PCDH12: variants seen among roughly 807,000 people sequenced by gnomAD.
PCDH12 encodes protocadherin 12, also known as protocadherin-12.
A neutral mutation model predicts 70.9 loss-of-function variants in PCDH12; 45 were observed. The ratio of observed to expected loss-of-function variants is 0.63; its 90% CI spans 0.50 to 0.81. PCDH12 has a LOEUF of 0.81. PCDH12 is among the 40% of genes least tolerant of loss of function. The pLI is 0.00. For missense variants in PCDH12, 1,370 were observed against 1,491.7 expected (o/e 0.92, Z 1.34); for synonymous variants, 567 against 626.0 (o/e 0.91, Z 1.41).
chr5:141,946,275 C>T (rs1277669541), intron 3 of PCDH12, among the ~76,000 whole-genome samples: 1 of 152,116 alleles, frequency 6.6e-6, no homozygotes, highest in Non-Finnish European at 1.5e-5. Context: ...ATAATAGGGA[C>T]CACATATTAG....
At chr5:141,953,581 G>A (rs1343791950) in intron 1 of PCDH12, among the ~76,000 whole-genome samples, 1 of 152,198 alleles carries the variant, frequency 6.6e-6, no homozygotes, top group Non-Finnish European at 1.5e-5. Context: ...CCCTCAAGTT[G>A]ATCCCAAATG....
chr5:141,953,177 A>T (rs1404223296), intron 1 of PCDH12: 1 of 152,252 alleles, frequency 6.6e-6, no homozygotes, highest in African/African-American at 2.4e-5. Flanking sequence ...GACTCGAATC[A>T]GTCAGACTCA....
rs758002470 is a variant in PCDH12 at position 141,957,367 on chromosome 5, G to A, written c.485C>T (p.Pro162Leu). 1 of 1,613,862 alleles carries A rather than the reference G, an allele frequency of 6.2e-7. No homozygotes were observed. Among genetic ancestry groups the A allele is most frequent in the Admixed American group, 1.7e-5 (1 of 59,992 alleles). ...TRIPLDRALD[P>L]DTGPNTLHTY... ...GTGCAGGGTGTTAGGGCCTGTGTCT[G>A]GGTCAAGAGCTCTGTCCAGGGGGAT... The change falls in exon 1 of 4, where the codon CCA (proline) becomes CTA (leucine). Residue 162 changes from proline to leucine, a missense_variant. Pro to Leu is a moderately conservative substitution (Grantham distance 98). Transcript: ENST00000231484. The surrounding 1 kb of genome is among the most constrained non-coding windows in gnomAD (Gnocchi z 4.3).
At chr5:141,951,790 C>G (rs1306634039) in intron 1 of PCDH12, among the ~76,000 whole-genome samples, 200 bp from the exon 2 acceptor site, 1 of 152,112 alleles carries the variant, frequency 6.6e-6, no homozygotes, top group Non-Finnish European at 1.5e-5. Flanking sequence ...GTCATGTCAC[C>G]CCAGGACCTG....
rs1328190068 is a variant in PCDH12 at position 141,951,427 on chromosome 5, G to T, written c.2978+66C>A. On this transcript the variant is annotated intron_variant, in intron 2 of 3. Transcript: ENST00000231484. ...GTGCTCACCCTTCCTCACTCACAGA[G>T]GCTGCAGTGATGAGGGGCGGCCAGT... The T allele has an allele frequency of 3.4e-6, 4 of 1,175,658 alleles. No homozygotes were observed. The Admixed American group carries it at 5.1e-5, about 15-fold the overall frequency. 72.8% of individuals were successfully genotyped at this position (1,175,658 alleles called of 1,614,324 possible). A position where few individuals can be genotyped will look rare whatever the true frequency, so the allele number is the denominator to read the frequency against.
rs755784302 is a variant in PCDH12 at position 141,955,547 on chromosome 5, G to GTT, written c.2303_2304dup (p.His769AsnfsTer36). On this transcript the variant is annotated frameshift_variant, in exon 1 of 4. Transcript: ENST00000231484. LOFTEE classifies it high-confidence loss of function. The surrounding 1 kb of genome is among the most constrained non-coding windows in gnomAD (Gnocchi z 5.5). The stretch of plus-strand genomic sequence containing the variant: ...AGGTGGATGTCTGCCTTCTGAATGT[G>GTT]TTTCTGGGGCCTCTTGGGCTGCTGG... The GTT allele has an allele frequency of 6.2e-7, 1 of 1,614,172 alleles. No homozygotes were observed. The highest frequency in any genetic ancestry group is 8.5e-7 in the Non-Finnish European group (1 of 1,180,030).
Position 141,956,828 on chromosome 5 carries a change from C to G in PCDH12, c.1024G>C (p.Val342Leu), listed in dbSNP as rs771990021. ...IPAHCKVLIK[V>L]LDVNDNIPSI... ...GGGATGTTGTCATTGACATCCAGAA[C>G]CTTGATGAGAACTTTGCAATGGGCT... The change falls in exon 1 of 4, where the codon GTT (valine) becomes CTT (leucine). Residue 342 changes from valine to leucine, a missense_variant. Coordinates refer to ENST00000231484, the MANE Select transcript of PCDH12 (RefSeq NM_016580.4). The G allele has an allele frequency of 6.8e-6, 11 of 1,614,114 alleles. No individual in the cohort carries two copies. The highest frequency in any genetic ancestry group is 9.3e-6 in the Non-Finnish European group (11 of 1,180,050).
chr5:141,956,528 C>A lies in PCDH12; in HGVS notation c.1324G>T (p.Ala442Ser). The change falls in exon 1 of 4, where the codon GCC becomes TCC. Residue 442 changes from alanine (A) to serine (S), a missense_variant. Coordinates refer to ENST00000231484, the MANE Select transcript of PCDH12 (RefSeq NM_016580.4). ...AQDQGLQPLS[A>S]KKQLSIQISD... ...ATCTGAATGCTGAGCTGTTTCTTGG[C>A]TGATAAGGGCTGGAGTCCTTGGTCT... is the stretch of plus-strand genomic sequence containing the variant. The A allele has an allele frequency of 1.9e-6, 3 of 1,614,232 alleles. No homozygotes were observed. The highest frequency in any genetic ancestry group is 1.6e-4 in the Middle Eastern group (1 of 6,062).
At position 141,945,405 on chromosome 5, in the gene PCDH12, G is replaced by GCTGCTGCTGCTGCCT. The variant is rs773397370; in HGVS notation, c.3530_3531insAGGCAGCAGCAGCAG (p.Gly1176_Ser1177insArgGlySerSerSer). On this transcript the variant is annotated inframe_insertion, in exon 4 of 4. Transcript: ENST00000231484. Reference sequence around the variant, plus strand: ...TTCACAGGCACCTGCTGCTGCTGCTGCTGCCTCTGCTCTTGCCCTCAGTCC... The same window carrying GCTGCTGCTGCTGCCT: ...TTCACAGGCACCTGCTGCTGCTGCTGCTGCTGCTGCTGCCTCTGCCTCTGCTCTTGCCCTCAGTCC... The GCTGCTGCTGCTGCCT allele has an allele frequency of 2.5e-6, 4 of 1,612,790 alleles. No individual in the cohort carries two copies. Among genetic ancestry groups the GCTGCTGCTGCTGCCT allele is most frequent in the Middle Eastern group, 1.6e-4 (1 of 6,082 alleles).
In PCDH12 at chr5:141,957,837, C is replaced by T. The variant is rs752066417; in HGVS notation, c.15G>A (p.Leu5=). 1.3e-6 allele frequency: 2 copies of T among 1,598,960 alleles called. No individual in the cohort carries two copies. The highest frequency in any genetic ancestry group is 3.3e-5 in the Admixed American group (2 of 59,892). The stretch of plus-strand genomic sequence containing the variant: ...GCCCCAAAAGCCCCAGCAGAAGTTG[C>T]AGAAGTTGCATCATGCTTACCGCCA... The part of the protein sequence containing the change: MMQL[L]QLLLGLLGPG... Residue 5 remains leucine, a synonymous_variant, in exon 1 of 4, where the codon CTG becomes CTA. Coordinates refer to ENST00000231484, the MANE Select transcript of PCDH12 (RefSeq NM_016580.4). The surrounding 1 kb of genome is among the most constrained non-coding windows in gnomAD (Gnocchi z 4.3).
At position 141,956,305 on chromosome 5, in the gene PCDH12, T is replaced by A; in HGVS notation, c.1547A>T (p.Glu516Val). 3.1e-6 allele frequency: 5 copies of A among 1,614,118 alleles called. No individual in the cohort carries two copies. The highest frequency in any genetic ancestry group is 4.2e-6 in the Non-Finnish European group (5 of 1,180,016). The stretch of plus-strand genomic sequence containing the variant: ...GTTCAGTGACCTCTGAGCAGTGACC[T>A]CTCCTGTGTTGGAGTCAATAGCTAC... ...HLVAIDSNTG[E>V]VTAQRSLNYE... Residue 516 changes from glutamate (E) to valine (V), a missense_variant, in exon 1 of 4, where the codon GAG (glutamate) becomes GTG (valine). Physicochemically the swap from Glu to Val is moderately radical, Grantham distance 121. Transcript: ENST00000231484.
At chr5:141,949,173 G>A (rs1307127897) in intron 3 of PCDH12, among the ~76,000 whole-genome samples, 1 of 151,866 alleles carries the variant, frequency 6.6e-6, no homozygotes, top group Non-Finnish European at 1.5e-5. Context: ...GCAGTGAGCT[G>A]TGATCATGCT....
rs540451415 is a variant in PCDH12, at chr5:141,956,232, G to A, written c.1620C>T (p.Ser540=). Residue 540 remains serine, a synonymous_variant, in exon 1 of 4, where the codon AGC becomes AGT. Coordinates refer to ENST00000231484, the MANE Select transcript of PCDH12 (RefSeq NM_016580.4). ...CACTGGATGCAAGCATGGGTTGCCC[G>A]CTGTCCTCTGCGATCACCTGGAACT... ...GFEFQVIAED[S]GQPMLASSVS... 25 of 1,614,064 alleles carry A rather than the reference G, an allele frequency of 1.5e-5. No individual in the cohort carries two copies. The highest frequency in any genetic ancestry group is 4.5e-5 in the East Asian group (2 of 44,896).
chr5:141,957,682 T>C lies in PCDH12; in HGVS notation c.170A>G (p.Glu57Gly). Reference protein sequence around the residue: ...GKLSQELGREERRRQAGAAFQ... With the variant: ...GKLSQELGREGRRRQAGAAFQ... ...GGCAGCCCCAGCTTGCCTCCGCCTC[T>C]CCTCCCGGCCCAGTTCCTGGGACAG... Residue 57 changes from glutamate (E) to glycine (G), a missense_variant, in exon 1 of 4, where the codon GAG becomes GGG. Coordinates refer to ENST00000231484, the MANE Select transcript of PCDH12 (RefSeq NM_016580.4). This position sits in a 1 kb window ranked among gnomAD's most constrained non-coding sequence, Gnocchi z 4.3. The C allele has an allele frequency of 6.2e-7, 1 of 1,614,100 alleles. No individual in the cohort carries two copies. Among genetic ancestry groups the C allele is most frequent in the Non-Finnish European group, 8.5e-7 (1 of 1,180,008 alleles).
In PCDH12 at chr5:141,957,858, C is replaced by T. The variant is rs1348121756; in HGVS notation, c.-7G>A. 27 of 1,593,818 alleles carry T rather than the reference C, an allele frequency of 1.7e-5. No individual in the cohort carries two copies. The highest frequency in any genetic ancestry group is 2.2e-5 in the East Asian group (1 of 44,828). On this transcript the variant is annotated 5_prime_UTR_variant, in exon 1 of 4. Coordinates refer to ENST00000231484, the MANE Select transcript of PCDH12 (RefSeq NM_016580.4). The surrounding 1 kb of genome is among the most constrained non-coding windows in gnomAD (Gnocchi z 4.3). ...GTTGCAGAAGTTGCATCATGCTTAC[C>T]GCCAAGTGGGCTAGATTCAGAAACC...
At chr5:141,952,927 C>T (rs1420229223) in intron 1 of PCDH12, 1 of 152,230 alleles carries the variant, frequency 6.6e-6, no homozygotes, top group Non-Finnish European at 1.5e-5. Flanking sequence ...AAGTGTCAAC[C>T]TCAGAGGAGA....
chr5:141,954,279 C>G (rs996621857), intron 1 of PCDH12, among the ~76,000 whole-genome samples: 1 of 152,176 alleles, frequency 6.6e-6, no homozygotes, highest in Admixed American at 6.5e-5. Context: ...GGGTCTCAGA[C>G]AAATTATTTG....
At chr5:141,953,221 C>G (rs938359495) in intron 1 of PCDH12, 10 of 152,226 alleles carry the variant, frequency 6.6e-5, no homozygotes, top group Non-Finnish European at 2.9e-5. Context: ...TGCCCCAGTT[C>G]CCATCAGTGT....
chr5:141,957,042 G>T lies in PCDH12; in HGVS notation c.810C>A (p.Asp270Glu), dbSNP rs1420307335. Residue 270 changes from aspartate to glutamate, a missense_variant, in exon 1 of 4, where the codon GAC becomes GAA. Coordinates refer to ENST00000231484, the MANE Select transcript of PCDH12 (RefSeq NM_016580.4). The surrounding 1 kb of genome is among the most constrained non-coding windows in gnomAD (Gnocchi z 4.3). ...CCTCCCCATTGGGGCCTTGGTCAGG[G>T]TCTGTGGCGGTCAGTTTTATGAGAA... ...GTLLIKLTAT[D>E]PDQGPNGEVE... 6.2e-6 allele frequency: 10 copies of T among 1,614,208 alleles called. No individual in the cohort carries two copies. The highest frequency in any genetic ancestry group is 7.6e-6 in the Non-Finnish European group (9 of 1,180,040).
Sources: allele counts gnomAD v4.1 joint callset (sites outside exome capture counted in the v4.1 genomes callset), GRCh38; gene constraint gnomAD v4.1.1; non-coding constraint Gnocchi (gnomAD v3.1); transcripts MANE v1.5; gene names NCBI Gene and HGNC (gene_info 2026-07-23, HGNC 2026-07-21).